TUBGCP2: variants seen among roughly 807,000 people sequenced by gnomAD.
The protein encoded by TUBGCP2 is gamma-tubulin complex component 2.
Under a neutral mutation model 92.2 loss-of-function variants are expected in TUBGCP2, and 55 were observed. That is an observed-to-expected ratio of 0.60 (90% CI 0.48 to 0.75). The LOEUF (loss-of-function observed/expected upper bound fraction) is 0.75. TUBGCP2 is among the 30% of genes least tolerant of loss of function. The pLI is 0.00. For synonymous variants in TUBGCP2, 533 were observed against 505.2 expected (o/e 1.06, Z -0.74); for missense variants, 1,093 against 1,188.9 (o/e 0.92, Z 1.19).
At chr10:133,301,235 TCTC>T (rs1028564737) in intron 2 of TUBGCP2, among the ~76,000 whole-genome samples, 65 of 152,276 alleles carry the variant, frequency 4.3e-4, no homozygotes, top group African/African-American at 1.5e-3. Context: ...TTCAAGTAAT[TCTC>T]CTGCCTCAGC....
intron 1 of TUBGCP2, 110 bp downstream of exon 1, chr10:133,308,713 G>A: frequency 3.3e-6 from 1 of 304,746 alleles, no homozygotes; most frequent in African/African-American, 2.2e-5. Context: ...CAGAGGGAGC[G>A]CGCGGGAAGA....
intron 2 of TUBGCP2, chr10:133,302,312 G>A (rs1847682837): frequency 4.7e-6 from 1 of 213,630 alleles, no homozygotes; most frequent in South Asian, 6.9e-5. Flanking sequence ...ACCAGGGGCA[G>A]TGCTCACCCT....
At chr10:133,286,769 G>A (rs1049854907) in intron 11 of TUBGCP2, among the ~76,000 whole-genome samples, 2 of 152,240 alleles carry the variant, frequency 1.3e-5, no homozygotes, top group Non-Finnish European at 2.9e-5. Flanking sequence ...ACATGTGGAA[G>A]TTAAACATAA....
At chr10:133,301,722 T>C (rs1008177633) in intron 2 of TUBGCP2, 3 of 133,428 alleles carry the variant, frequency 2.2e-5, no homozygotes, top group Non-Finnish European at 3.2e-5. Flanking sequence ...TTTTTTTTTT[T>C]TTTTTTTTGA....
At position 133,306,227 on chromosome 10, in the gene TUBGCP2, C is replaced by T. The variant is rs536353439; in HGVS notation, c.-40+2596G>A. On this transcript the variant is annotated intron_variant, in intron 1 of 17. Coordinates refer to ENST00000252936, the MANE Select transcript of TUBGCP2 (RefSeq NM_006659.4). ...TTTTAACAGTCATGGGAGCCCTGGA[C>T]GAGGCCCTGCAAACTACTTGTGAAG... 2.6e-5 allele frequency among the ~76,000 whole-genome samples: 4 copies of T among 152,310 alleles called. No homozygotes were observed. In the East Asian group the frequency reaches 7.7e-4, roughly 29 times the overall value.
At chr10:133,288,743 G>T in intron 10 of TUBGCP2, 97 bp downstream of exon 10, 1 of 1,347,762 alleles carries the variant, frequency 7.4e-7, no homozygotes, top group Non-Finnish European at 1.0e-6. Context: ...ACAAGGCGGA[G>T]CTGCCAGAAG....
intron 13 of TUBGCP2, among the ~76,000 whole-genome samples, chr10:133,284,626 G>T (rs1309885141): frequency 6.6e-6 from 1 of 152,192 alleles, no homozygotes; most frequent in East Asian, 1.9e-4. Context: ...TTCCCAAAGT[G>T]CTGAGATTAC....
chr10:133,289,030 C>T lies in TUBGCP2; in HGVS notation c.1361-10G>A. The T allele has an allele frequency of 6.2e-7, 1 of 1,604,952 alleles. No homozygotes were observed. The highest frequency in any genetic ancestry group is 8.5e-7 in the Non-Finnish European group (1 of 1,173,494). On this transcript the variant is annotated splice_polypyrimidine_tract_variant and intron_variant, in intron 9 of 17. Transcript: ENST00000252936. Reference sequence around the variant, plus strand: ...ACATTTAGATATTTTCCTGAAAACACAGAAATTCAAAATTTTATTCTCCAC... The same window carrying T: ...ACATTTAGATATTTTCCTGAAAACATAGAAATTCAAAATTTTATTCTCCAC...
At chr10:133,297,351 T>A (rs546904374) in intron 5 of TUBGCP2, 31 of 427,450 alleles carry the variant, frequency 7.3e-5, no homozygotes, top group African/African-American at 5.8e-4. Flanking sequence ...TGTGCCGAGA[T>A]CACGCCACTG....
chr10:133,308,938 G>A (rs1847906704), upstream of TUBGCP2: 13 of 1,224,986 alleles, frequency 1.1e-5, no homozygotes, highest in South Asian at 1.6e-4. Flanking sequence ...GCCCGCGCCC[G>A]GGGTGATGCA....
chr10:133,283,213 G>T lies in TUBGCP2; in HGVS notation c.2154C>A (p.Asn718Lys). Residue 718 changes from asparagine (N) to lysine (K), a missense_variant, in exon 15 of 18, where the codon AAC (asparagine) becomes AAA (lysine). By Grantham distance (94) the Asn-to-Lys change is moderately conservative. Coordinates refer to ENST00000252936, the MANE Select transcript of TUBGCP2 (RefSeq NM_006659.4). The stretch of plus-strand genomic sequence containing the variant: ...TGTGGTGGCCAAGGACGTCGTCAAT[G>T]TTGGAGGCCTGCGGGGAACAGGCCA... ...ILEKNLKSAS[N>K]IDDVLGHHTG... 1 of 1,614,242 alleles carries T rather than the reference G, an allele frequency of 6.2e-7. No individual in the cohort carries two copies. The highest frequency in any genetic ancestry group is 8.5e-7 in the Non-Finnish European group (1 of 1,180,044).
chr10:133,288,890 C>A lies in TUBGCP2; in HGVS notation c.1491G>T (p.Lys497Asn), dbSNP rs993386214. ...CCTCCATCAGGAAGTCCAGCAGCAC[C>A]TTGCTGGCGTAGTTAAACGCCTTCT... is the stretch of plus-strand genomic sequence containing the variant. Reference protein sequence around the residue: ...QIEKAFNYASKVLLDFLMEEK... With the variant: ...QIEKAFNYASNVLLDFLMEEK... Residue 497 changes from lysine (K) to asparagine (N), a missense_variant, in exon 10 of 18, where the codon AAG becomes AAT. Lys to Asn is a moderately conservative substitution (Grantham distance 94, BLOSUM62 0). Coordinates refer to ENST00000252936, the MANE Select transcript of TUBGCP2 (RefSeq NM_006659.4). The A allele has an allele frequency of 1.2e-6, 2 of 1,613,956 alleles. No individual in the cohort carries two copies. The highest frequency in any genetic ancestry group is 2.7e-5 in the African/African-American group (2 of 74,930).
chr10:133,296,758 G>C (rs1847497010), intron 5 of TUBGCP2, among the ~76,000 whole-genome samples: 1 of 152,236 alleles, frequency 6.6e-6, no homozygotes, highest in African/African-American at 2.4e-5. Context: ...TTACAGGTGT[G>C]AGCCACCATG....
chr10:133,309,294 G>A, upstream of TUBGCP2: 2 of 1,463,296 alleles, frequency 1.4e-6, no homozygotes, highest in South Asian at 1.3e-5. Flanking sequence ...CGGGACCGGA[G>A]CGCGGGATGA....
rs774470774 is a variant in TUBGCP2, at chr10:133,288,272, A to C, written c.1579T>G (p.Phe527Val). ...KRYFLMDQGDFFVHFMDLAEE... is the reference protein window; with the variant it reads ...KRYFLMDQGDVFVHFMDLAEE... ...GCGAGGTCCATGAAGTGCACGAAGAAGTCGCCCTGGTCCATGAGGAAGTAG... is the reference window on the plus strand; with the variant it reads ...GCGAGGTCCATGAAGTGCACGAAGACGTCGCCCTGGTCCATGAGGAAGTAG... The change falls in exon 11 of 18, where the codon TTC (phenylalanine) becomes GTC (valine). Residue 527 changes from phenylalanine to valine, a missense_variant. Transcript: ENST00000252936. 3.1e-6 allele frequency: 5 copies of C among 1,613,646 alleles called. No individual in the cohort carries two copies. The highest frequency in any genetic ancestry group is 2.2e-5 in the East Asian group (1 of 44,870).
chr10:133,298,571 C>T (rs557547800), intron 4 of TUBGCP2, among the ~76,000 whole-genome samples: 52 of 152,380 alleles, frequency 3.4e-4, no homozygotes, highest in African/African-American at 1.1e-3. Flanking sequence ...CCCAGCGTGA[C>T]AGGATGGCTC....
chr10:133,309,761 A>C, upstream of TUBGCP2: 1 of 1,612,218 alleles, frequency 6.2e-7, no homozygotes, highest in Non-Finnish European at 8.5e-7. Flanking sequence ...CTCCTGAAGC[A>C]CGTCTCCTTG....
intron 2 of TUBGCP2, 74 bp from the exon 3 acceptor site, chr10:133,300,187 T>C (rs1046894724): frequency 1.2e-5 from 18 of 1,543,564 alleles, no homozygotes; most frequent in Admixed American, 4.0e-5. Context: ...TTTACGAAAA[T>C]TGAACACAAT....
rs1441481060 is a variant in TUBGCP2 at position 133,293,677 on chromosome 10, G to T, written c.709C>A (p.Pro237Thr). 3 of 1,601,976 alleles carry T rather than the reference G, an allele frequency of 1.9e-6. No homozygotes were observed. The highest frequency in any genetic ancestry group is 1.7e-4 in the Middle Eastern group (1 of 6,056). The change falls in exon 6 of 18, where the codon CCC becomes ACC. Residue 237 changes from proline to threonine, a missense_variant. By Grantham distance (38) the Pro-to-Thr change is conservative (BLOSUM62 -1). This residue lies in a region of TUBGCP2 where 490 missense variants were observed against 488.5 expected (regional missense o/e 1.00). Coordinates refer to ENST00000252936, the MANE Select transcript of TUBGCP2 (RefSeq NM_006659.4). The part of the protein sequence containing the change: ...GVDGRYVSAQ[P>T]LAGRQSRTFL... ...GTCCGGCTCTGCCTCCCAGCCAGGG[G>T]CTGAGCACTGACGTACCTCCCGTCC...
Sources: allele counts gnomAD v4.1 joint callset (sites outside exome capture counted in the v4.1 genomes callset), GRCh38; gene constraint gnomAD v4.1.1; regional missense constraint gnomAD v4.1.1; transcripts MANE v1.5; gene names NCBI Gene and HGNC (gene_info 2026-07-23, HGNC 2026-07-21).